RBFOX1: variants seen among roughly 807,000 people sequenced by gnomAD.
RBFOX1 encodes RNA binding fox-1 homolog 1, also known as RNA binding protein fox-1 homolog 1.
In RBFOX1, 8 loss-of-function variants were observed where a neutral mutation model predicts 57.7. The observed-to-expected ratio is 0.14, with a 90% CI of 0.08 to 0.25. RBFOX1 has a LOEUF of 0.25. RBFOX1 is among the 10% of genes least tolerant of loss of function. RBFOX1 has a pLI of 1.00. For synonymous variants in RBFOX1, 326 were observed against 222.4 expected (o/e 1.47, Z -4.15); for missense variants, 611 against 548.5 (o/e 1.11, Z -1.14).
chr16:6,711,887 C>A (rs962531924), intron 3 of RBFOX1, among the ~76,000 whole-genome samples: 1 of 152,138 alleles, frequency 6.6e-6, no homozygotes, highest in Non-Finnish European at 1.5e-5. Flanking sequence ...TACTCAAAAA[C>A]CACTGTTTCA....
At chr16:6,847,058 C>G (rs962461594) in intron 3 of RBFOX1, among the ~76,000 whole-genome samples, 7 of 152,116 alleles carry the variant, frequency 4.6e-5, no homozygotes, top group Admixed American at 2.0e-4. Flanking sequence ...TTCTGCCTCT[C>G]TTGTAAAGTG....
intron 3 of RBFOX1, among the ~76,000 whole-genome samples, chr16:5,667,843 A>T (rs1486862057): frequency 6.6e-6 from 1 of 152,198 alleles, no homozygotes. Context: ...TCTGGTAATG[A>T]GACTTTATAG....
intron 1 of RBFOX1, among the ~76,000 whole-genome samples, chr16:5,377,620 G>C (rs575664217): frequency 6.6e-6 from 1 of 150,998 alleles, no homozygotes; most frequent in African/African-American, 2.5e-5. Flanking sequence ...GAGAGACAGA[G>C]AGAGAGAGAA....
At chr16:5,415,551 A>G (rs916567117) in intron 1 of RBFOX1, among the ~76,000 whole-genome samples, 4 of 152,202 alleles carry the variant, frequency 2.6e-5, no homozygotes, top group Admixed American at 6.5e-5. Context: ...TACATCTTCA[A>G]CAGAAAACAC....
chr16:6,890,017 T>G (rs2065040315), intron 3 of RBFOX1, among the ~76,000 whole-genome samples: 1 of 152,200 alleles, frequency 6.6e-6, no homozygotes, highest in Non-Finnish European at 1.5e-5. Context: ...CCATTTATGG[T>G]TAATAATAGT....
chr16:6,603,330 C>T (rs1174914397), intron 2 of RBFOX1, among the ~76,000 whole-genome samples: 2 of 152,096 alleles, frequency 1.3e-5, no homozygotes, highest in African/African-American at 4.8e-5. Flanking sequence ...CAGTTGGAGT[C>T]TTGTATGAAA....
At chr16:6,892,339 G>T (rs1256018135) in intron 3 of RBFOX1, among the ~76,000 whole-genome samples, 1 of 152,040 alleles carries the variant, frequency 6.6e-6, no homozygotes, top group Non-Finnish European at 1.5e-5. Flanking sequence ...TTGAAAAGGG[G>T]GTTATTTTAA....
chr16:7,136,485 C>G (rs2072018535), intron 4 of RBFOX1, among the ~76,000 whole-genome samples: 1 of 145,396 alleles, frequency 6.9e-6, no homozygotes. Flanking sequence ...TGGTGCAATA[C>G]AGCCTTAAAC....
At chr16:7,156,276 GTACATA>G (rs2077113215) in intron 4 of RBFOX1, among the ~76,000 whole-genome samples, 1 of 140,982 alleles carries the variant, frequency 7.1e-6, no homozygotes, top group African/African-American at 2.7e-5. Context: ...ACATGTACAT[GTACATA>G]TACATGTAGA....
At chr16:6,472,948 A>G (rs1013513692) in intron 2 of RBFOX1, among the ~76,000 whole-genome samples, 1 of 152,088 alleles carries the variant, frequency 6.6e-6, no homozygotes, top group African/African-American at 2.4e-5. Flanking sequence ...AGGACCCTCA[A>G]GGAAGAATTG....
intron 3 of RBFOX1, among the ~76,000 whole-genome samples, chr16:6,788,375 C>G (rs1255055987): frequency 3.9e-5 from 6 of 152,026 alleles, no homozygotes; most frequent in African/African-American, 9.7e-5. Context: ...TACCTTGTAA[C>G]TAGTTTCATA....
At chr16:7,028,213 A>G (rs766738483) in intron 3 of RBFOX1, among the ~76,000 whole-genome samples, 1 of 152,108 alleles carries the variant, frequency 6.6e-6, no homozygotes, top group Non-Finnish European at 1.5e-5. Flanking sequence ...TCCAAGATTC[A>G]TTAGTCCAGC....
chr16:6,374,234 C>G (rs956580305), intron 2 of RBFOX1, among the ~76,000 whole-genome samples: 1 of 152,122 alleles, frequency 6.6e-6, no homozygotes, highest in Admixed American at 6.5e-5. Flanking sequence ...CATTGTTTAG[C>G]CTTGTAATTA....
intron 3 of RBFOX1, among the ~76,000 whole-genome samples, chr16:6,998,295 C>T (rs2092442414): frequency 6.6e-6 from 1 of 152,110 alleles, no homozygotes; most frequent in African/African-American, 2.4e-5. Flanking sequence ...GGAGAGGAGA[C>T]TGAAGGATGA....
chr16:6,132,453 G>C (rs1380409832), intron 1 of RBFOX1, among the ~76,000 whole-genome samples: 1 of 152,182 alleles, frequency 6.6e-6, no homozygotes, highest in Non-Finnish European at 1.5e-5. Flanking sequence ...GTTTTACTGA[G>C]CAGGAAATTG....
At chr16:5,719,398 C>G (rs12929585) in intron 3 of RBFOX1, among the ~76,000 whole-genome samples, 83,735 of 149,706 alleles carry the variant, frequency 0.56, 26,319 homozygotes, top group Non-Finnish European at 0.72. Flanking sequence ...TTTTAGTAGA[C>G]ACGGGGTTTC....
intron 1 of RBFOX1, among the ~76,000 whole-genome samples, chr16:6,142,048 GA>G (rs34076868): frequency 1.0e-3 from 148 of 148,062 alleles, no homozygotes; most frequent in African/African-American, 3.5e-3. Context: ...GAGCTCAAAA[GA>G]AAAAAAAAAT....
intron 3 of RBFOX1, among the ~76,000 whole-genome samples, chr16:6,840,343 G>T (rs934846608): frequency 6.6e-6 from 1 of 152,134 alleles, no homozygotes; most frequent in Non-Finnish European, 1.5e-5. Context: ...ACATTCATTC[G>T]TTCATTCATT....
chr16:6,485,239 G>A (rs971485595), intron 2 of RBFOX1, among the ~76,000 whole-genome samples: 13 of 152,160 alleles, frequency 8.5e-5, no homozygotes, highest in Admixed American at 2.0e-4. Flanking sequence ...CTTCCCACAC[G>A]TGTGATGCCT....
Sources: gnomAD v4.1 joint callset for allele counts (sites outside exome capture counted in the v4.1 genomes callset) on GRCh38, gnomAD v4.1.1 for gene constraint, MANE v1.5 for transcripts, NCBI Gene and HGNC (gene_info 2026-07-23, HGNC 2026-07-21) for gene names.